ASTN1: variants seen among roughly 807,000 people sequenced by gnomAD.
ASTN1 encodes the protein astrotactin 1.
In ASTN1, 41 loss-of-function variants were observed where a neutral mutation model predicts 140.7. The observed-to-expected ratio is 0.29, with a 90% CI of 0.23 to 0.38. ASTN1 has a LOEUF of 0.38. Ranked by LOEUF, ASTN1 falls within the 10% of genes least tolerant of loss-of-function variation. The probability of loss-of-function intolerance (pLI) is 1.00; values close to 1 mark genes in which losing one functional copy is unlikely to be tolerated. For missense variants in ASTN1, 1,479 were observed against 1,678.8 expected (o/e 0.88, Z 2.08); for synonymous variants, 640 against 652.2 (o/e 0.98, Z 0.29).
At position 177,087,474 on chromosome 1, in the gene ASTN1, G is replaced by A. The variant is rs74637947; in HGVS notation, c.284-26209C>T. On this transcript the variant is annotated intron_variant, in intron 1 of 22. Transcript: ENST00000361833. ...GCAAGCCATATGCTGAATTCTGCCCGTTCAGCAAGAGCCTGAACATTATTT... is the reference window on the plus strand; with the variant it reads ...GCAAGCCATATGCTGAATTCTGCCCATTCAGCAAGAGCCTGAACATTATTT... 4.4e-3 allele frequency among the ~76,000 whole-genome samples: 670 copies of A among 152,218 alleles called. 5 individuals carry two copies. Among genetic ancestry groups the A allele is most frequent in the African/African-American group, 0.015 (609 of 41,536 alleles).
intron 8 of ASTN1, among the ~76,000 whole-genome samples, chr1:176,973,858 T>A (rs911097163): frequency 6.6e-6 from 1 of 152,178 alleles, no homozygotes; most frequent in African/African-American, 2.4e-5. Context: ...TGGCATTTCA[T>A]AGGCAATGGG....
intron 8 of ASTN1, among the ~76,000 whole-genome samples, chr1:177,010,925 A>G (rs543651666): frequency 2.0e-5 from 3 of 152,316 alleles, no homozygotes; most frequent in Admixed American, 1.3e-4. Context: ...TAAATTTAAT[A>G]TGAAAGGTCC....
At chr1:176,976,173 C>G (rs1445555467) in intron 8 of ASTN1, 2 of 152,118 alleles carry the variant, frequency 1.3e-5, no homozygotes, top group Non-Finnish European at 2.9e-5. Context: ...TCAACAGTTC[C>G]ATGAAAACAG....
intron 1 of ASTN1, among the ~76,000 whole-genome samples, chr1:177,105,122 C>T (rs1457723657): frequency 6.6e-6 from 1 of 152,026 alleles, no homozygotes; most frequent in Non-Finnish European, 1.5e-5. Context: ...CCCATCATTT[C>T]CTCACTGATG....
intron 2 of ASTN1, among the ~76,000 whole-genome samples, 180 bp downstream of exon 2, chr1:177,060,898 T>C (rs1297573170): frequency 1.3e-5 from 2 of 152,230 alleles, no homozygotes; most frequent in African/African-American, 4.8e-5. Context: ...TAGAAATAGT[T>C]GCAATTATTA....
intron 17 of ASTN1, among the ~76,000 whole-genome samples, chr1:176,891,199 C>T (rs968658459): frequency 6.6e-6 from 1 of 152,182 alleles, no homozygotes; most frequent in African/African-American, 2.4e-5. Flanking sequence ...ATGTACCCAG[C>T]ATTGCATAGG....
chr1:176,866,155 G>T (rs946685486), intron 22 of ASTN1, among the ~76,000 whole-genome samples: 1 of 152,152 alleles, frequency 6.6e-6, no homozygotes, highest in Non-Finnish European at 1.5e-5. Flanking sequence ...TTCTGGCAGA[G>T]AGCATCATCA....
chr1:176,963,536 A>C (rs1672754799), intron 9 of ASTN1, among the ~76,000 whole-genome samples: 1 of 152,204 alleles, frequency 6.6e-6, no homozygotes. Flanking sequence ...AAACCACACA[A>C]CTGGCCCCCA....
chr1:177,118,778 C>T (rs1558108646), intron 1 of ASTN1, among the ~76,000 whole-genome samples: 1 of 151,982 alleles, frequency 6.6e-6, no homozygotes, highest in Non-Finnish European at 1.5e-5. Context: ...AGGTAAATGC[C>T]CCAGGAAGGC....
chr1:177,142,434 A>C (rs1346073558), intron 1 of ASTN1, among the ~76,000 whole-genome samples: 2 of 152,226 alleles, frequency 1.3e-5, no homozygotes, highest in African/African-American at 2.4e-5. Context: ...AAATCAGAAT[A>C]CTTATCCTAT....
In ASTN1 at chr1:177,042,903, G is replaced by A. The variant is rs149915275; in HGVS notation, c.472-10054C>T. Among the ~76,000 whole-genome samples, 55 of 152,304 alleles carry A rather than the reference G, an allele frequency of 3.6e-4. 1 individual carries two copies. The highest frequency in any genetic ancestry group is 1.3e-3 in the African/African-American group (52 of 41,568). On this transcript the variant is annotated intron_variant, in intron 2 of 22. Coordinates refer to ENST00000361833, the MANE Select transcript of ASTN1 (RefSeq NM_004319.3). ...CTAACTCTCAAGGTTATGCAAGTGA[G>A]GATCCCTAAATGTCTACACTTAGTA...
chr1:177,110,469 T>C (rs1279171503), intron 1 of ASTN1, among the ~76,000 whole-genome samples: 2 of 152,174 alleles, frequency 1.3e-5, no homozygotes, highest in Admixed American at 1.3e-4. Context: ...AATGCCTGTG[T>C]CCCTGACACA....
At chr1:177,034,506 C>T (rs1265936537) in intron 2 of ASTN1, among the ~76,000 whole-genome samples, 2 of 152,060 alleles carry the variant, frequency 1.3e-5, no homozygotes, top group Non-Finnish European at 2.9e-5. Flanking sequence ...GGTATGAGTC[C>T]AAAGCCAAGT....
At chr1:177,106,010 G>A (rs923481176) in intron 1 of ASTN1, among the ~76,000 whole-genome samples, 11 of 151,920 alleles carry the variant, frequency 7.2e-5, no homozygotes, top group African/African-American at 1.7e-4. Flanking sequence ...AAACAAAAAC[G>A]AAAACAAAAA....
intron 8 of ASTN1, among the ~76,000 whole-genome samples, chr1:176,972,499 T>A (rs535210729): frequency 1.3e-5 from 2 of 152,258 alleles, no homozygotes; most frequent in African/African-American, 4.8e-5. Context: ...TACTTTTTTT[T>A]AATTTTTAAT....
chr1:176,857,326 G>A (rs1396240482), downstream of ASTN1: 4 of 366,888 alleles, frequency 1.1e-5, no homozygotes, highest in Non-Finnish European at 1.9e-5. Context: ...CTAACTTTTA[G>A]TTTGAAGTAT....
chr1:177,034,970 C>T (rs1237012520), intron 2 of ASTN1, among the ~76,000 whole-genome samples: 1 of 152,186 alleles, frequency 6.6e-6, no homozygotes, highest in African/African-American at 2.4e-5. Context: ...CTGTTCCTCT[C>T]TAATTCTCCT....
chr1:177,052,139 T>C (rs1173576809), intron 2 of ASTN1, among the ~76,000 whole-genome samples: 7 of 152,194 alleles, frequency 4.6e-5, no homozygotes, highest in Admixed American at 4.6e-4. Context: ...GTAATGGCCC[T>C]ATTCTATTGT....
chr1:176,911,080 G>C (rs966673322), intron 16 of ASTN1, among the ~76,000 whole-genome samples: 1 of 152,228 alleles, frequency 6.6e-6, no homozygotes, highest in African/African-American at 2.4e-5. Flanking sequence ...ACATGCTACT[G>C]TACTGAATTC....
Sources: allele counts gnomAD v4.1 joint callset (sites outside exome capture counted in the v4.1 genomes callset), GRCh38; gene constraint gnomAD v4.1.1; transcripts MANE v1.5; gene names NCBI Gene and HGNC (gene_info 2026-07-23, HGNC 2026-07-21).